The following GALNT17 variants were observed in gnomAD, a reference collection of about 807,000 sequenced individuals.
GALNT17 encodes UDP-GalNAc:polypeptide N-acetylgalactosaminyltransferase-like 3.
In GALNT17, 29 loss-of-function variants were observed where a neutral mutation model predicts 63.7. The ratio of observed to expected loss-of-function variants is 0.46; its 90% CI spans 0.34 to 0.62. The LOEUF (loss-of-function observed/expected upper bound fraction) is 0.62, where lower values mean the gene tolerates loss of function less well. Ranked by LOEUF, GALNT17 falls within the 20% of genes least tolerant of loss-of-function variation. The probability of loss-of-function intolerance (pLI) is 0.01; values close to 1 mark genes in which losing one functional copy is unlikely to be tolerated. For missense variants in GALNT17, 603 were observed against 799.6 expected (o/e 0.75, Z 2.97); for synonymous variants, 305 against 318.3 (o/e 0.96, Z 0.45).
chr7:71,362,713 T>A (rs975410884), intron 2 of GALNT17, among the ~76,000 whole-genome samples: 1 of 152,042 alleles, frequency 6.6e-6, no homozygotes, highest in African/African-American at 2.4e-5. Context: ...AGAAAACAAA[T>A]CCATTTGTGT....
intron 2 of GALNT17, among the ~76,000 whole-genome samples, chr7:71,360,973 C>T (rs2116229072): frequency 6.6e-6 from 1 of 152,238 alleles, no homozygotes; most frequent in Admixed American, 6.5e-5. Context: ...TAATAACTTT[C>T]TCGTAGCTGT....
chr7:71,215,231 C>G (rs147218687), intron 1 of GALNT17, among the ~76,000 whole-genome samples: 2 of 152,266 alleles, frequency 1.3e-5, no homozygotes, highest in African/African-American at 2.4e-5. Flanking sequence ...ATTCCCCTTG[C>G]TGGCTCCTAG....
chr7:71,295,609 C>T (rs1203555103), intron 1 of GALNT17, among the ~76,000 whole-genome samples: 1 of 151,364 alleles, frequency 6.6e-6, no homozygotes, highest in Non-Finnish European at 1.5e-5. Flanking sequence ...TCCTTCCTTC[C>T]CCCACCTCCA....
chr7:71,160,449 C>T (rs971794198), intron 1 of GALNT17, among the ~76,000 whole-genome samples: 1 of 152,090 alleles, frequency 6.6e-6, no homozygotes, highest in Non-Finnish European at 1.5e-5. Flanking sequence ...TTATTATAAA[C>T]AATGGTGTGA....
intron 1 of GALNT17, among the ~76,000 whole-genome samples, chr7:71,319,149 T>C (rs1293622392): frequency 6.6e-6 from 1 of 152,010 alleles, no homozygotes; most frequent in African/African-American, 2.4e-5. Flanking sequence ...ATGGTAATTG[T>C]TTTTCTAGCA....
intron 5 of GALNT17, among the ~76,000 whole-genome samples, chr7:71,568,577 G>T (rs768860083): frequency 3.3e-5 from 5 of 152,038 alleles, no homozygotes; most frequent in Non-Finnish European, 5.9e-5. Context: ...GAGAACATGC[G>T]GTCTTTGGTT....
intron 1 of GALNT17, among the ~76,000 whole-genome samples, chr7:71,238,733 C>T (rs1562939249): frequency 6.6e-6 from 1 of 152,160 alleles, no homozygotes; most frequent in Non-Finnish European, 1.5e-5. Context: ...TCTGGTGGCC[C>T]CGTGGGGGTC....
chr7:71,151,759 A>C (rs1016648720), intron 1 of GALNT17, among the ~76,000 whole-genome samples: 1 of 152,196 alleles, frequency 6.6e-6, no homozygotes, highest in Admixed American at 6.5e-5. Context: ...TAAGTATTGA[A>C]ATATGGCTAA....
rs533261068 is a variant in GALNT17 at position 71,322,148 on chromosome 7, C to A, written c.239-13402C>A. 1.8e-4 allele frequency among the ~76,000 whole-genome samples: 27 copies of A among 151,128 alleles called. No homozygotes were observed. In the East Asian group the frequency reaches 4.9e-3, roughly 28 times the overall value. ...CTTTCATTTTTTTGTAGAGACAGGTCTCATTATGTTGCCCAGGCTGGTCTC... is the reference window on the plus strand; with the variant it reads ...CTTTCATTTTTTTGTAGAGACAGGTATCATTATGTTGCCCAGGCTGGTCTC... On this transcript the variant is annotated intron_variant, in intron 1 of 10. Transcript: ENST00000333538.
In GALNT17 at chr7:71,515,253, C is replaced by T. The variant is rs1028189538; in HGVS notation, c.963-56032C>T. On this transcript the variant is annotated intron_variant, in intron 5 of 10. Coordinates refer to ENST00000333538, the MANE Select transcript of GALNT17 (RefSeq NM_022479.3). ...ATGCCTTAGGAGCTGGGGAGAGGCTCGGGTTGGCATTGCATTTCTGGGACT... is the reference window on the plus strand; with the variant it reads ...ATGCCTTAGGAGCTGGGGAGAGGCTTGGGTTGGCATTGCATTTCTGGGACT... Among the ~76,000 whole-genome samples the T allele has an allele frequency of 5.3e-5, 8 of 152,202 alleles. No individual in the cohort carries two copies. In the South Asian group the frequency reaches 1.2e-3, roughly 24 times the overall value.
intron 6 of GALNT17, among the ~76,000 whole-genome samples, chr7:71,653,807 C>G (rs1215778381): frequency 6.6e-6 from 1 of 152,108 alleles, no homozygotes; most frequent in Non-Finnish European, 1.5e-5. Flanking sequence ...GTGTAAAAAT[C>G]TGAGGTCAGC....
At chr7:71,199,658 T>C (rs1226223156) in intron 1 of GALNT17, among the ~76,000 whole-genome samples, 1 of 95,046 alleles carries the variant, frequency 1.1e-5, no homozygotes. Flanking sequence ...CCCATCCATC[T>C]GTCCATCCTT....
chr7:71,605,014 G>A (rs1250318874), intron 6 of GALNT17, among the ~76,000 whole-genome samples: 2 of 152,172 alleles, frequency 1.3e-5, no homozygotes, highest in African/African-American at 4.8e-5. Flanking sequence ...ATTGTGGACA[G>A]AGTGAATCAC....
intron 1 of GALNT17, among the ~76,000 whole-genome samples, chr7:71,197,115 A>T (rs1789065218): frequency 6.6e-6 from 1 of 152,078 alleles, no homozygotes. Context: ...TTTGTGCTAC[A>T]AATAATCCAG....
intron 2 of GALNT17, among the ~76,000 whole-genome samples, chr7:71,336,367 T>G (rs1791907107): frequency 1.3e-5 from 2 of 152,108 alleles, no homozygotes; most frequent in Non-Finnish European, 1.5e-5. Flanking sequence ...TTAATGTTTA[T>G]TTTATGTTCA....
chr7:71,185,168 T>G (rs1395607903), intron 1 of GALNT17, among the ~76,000 whole-genome samples: 1 of 132,310 alleles, frequency 7.6e-6, no homozygotes, highest in East Asian at 2.7e-4. Flanking sequence ...CCTTCCTCTC[T>G]GTCCCCTCCT....
intron 6 of GALNT17, among the ~76,000 whole-genome samples, chr7:71,611,043 C>A (rs1342575971): frequency 6.6e-6 from 1 of 150,664 alleles, no homozygotes; most frequent in East Asian, 2.0e-4. Context: ...TCTGTCTGAT[C>A]TTTTGTCTCC....
chr7:71,603,975 T>C (rs1214009070), intron 6 of GALNT17, among the ~76,000 whole-genome samples: 1 of 138,332 alleles, frequency 7.2e-6, no homozygotes, highest in African/African-American at 2.6e-5. Context: ...GCTAAGTGCA[T>C]ATACCAGGTC....
chr7:71,158,979 A>G (rs1788289966), intron 1 of GALNT17, among the ~76,000 whole-genome samples: 2 of 151,812 alleles, frequency 1.3e-5, no homozygotes, highest in Non-Finnish European at 1.5e-5. Flanking sequence ...TATATTTCTT[A>G]AAGTGTAAAA....
Sources: allele counts gnomAD v4.1 joint callset (sites outside exome capture counted in the v4.1 genomes callset), GRCh38; gene constraint gnomAD v4.1.1; transcripts MANE v1.5; gene names NCBI Gene and HGNC (gene_info 2026-07-23, HGNC 2026-07-21).